TNPO3: variants seen among roughly 807,000 people sequenced by gnomAD.
TNPO3 encodes transportin 3.
Under a neutral mutation model 122.8 loss-of-function variants are expected in TNPO3, and 65 were observed. The ratio of observed to expected loss-of-function variants is 0.53; its 90% CI spans 0.43 to 0.65. The LOEUF is 0.65. TNPO3 is among the 30% of genes least tolerant of loss of function. The pLI, the probability that TNPO3 is intolerant of heterozygous loss-of-function variation, is 0.00. For synonymous variants in TNPO3, 372 were observed against 411.2 expected (o/e 0.90, Z 1.15); for missense variants, 850 against 1,136.7 (o/e 0.75, Z 3.63).
At chr7:129,016,959 A>G (rs1364242303) in intron 3 of TNPO3, 24 bp downstream of exon 3, 3 of 1,609,440 alleles carry the variant, frequency 1.9e-6, no homozygotes, top group Non-Finnish European at 2.5e-6. Flanking sequence ...AAATGCTAAT[A>G]TAGAGTCAAT....
At chr7:128,994,269 T>C (rs1349752912) in intron 8 of TNPO3, among the ~76,000 whole-genome samples, 2 of 151,940 alleles carry the variant, frequency 1.3e-5, no homozygotes, top group Non-Finnish European at 2.9e-5. Context: ...GTGATTCTCC[T>C]GCCTCAGCCT....
chr7:128,975,515 T>C (rs549396569), intron 17 of TNPO3, among the ~76,000 whole-genome samples: 2 of 152,296 alleles, frequency 1.3e-5, no homozygotes, highest in African/African-American at 4.8e-5. Context: ...AATACAATAA[T>C]GCTTGAGCTT....
At chr7:129,002,753 C>A (rs571086054) in intron 5 of TNPO3, among the ~76,000 whole-genome samples, 2 of 151,802 alleles carry the variant, frequency 1.3e-5, no homozygotes, top group Middle Eastern at 3.4e-3. Context: ...CCTGTCTCTA[C>A]TAAAAATACA....
chr7:129,048,163 G>C, intron 1 of TNPO3, among the ~76,000 whole-genome samples: 1 of 152,116 alleles, frequency 6.6e-6, no homozygotes, highest in East Asian at 1.9e-4. Flanking sequence ...AGGTGAGCAA[G>C]GCTGCAGTGA....
At position 128,996,069 on chromosome 7, in the gene TNPO3, G is replaced by A. The variant is rs546978158; in HGVS notation, c.1158+1320C>T. 1.3e-4 allele frequency among the ~76,000 whole-genome samples: 20 copies of A among 152,262 alleles called. No individual in the cohort carries two copies. The East Asian group carries it at 3.9e-3, about 29-fold the overall frequency. On this transcript the variant is annotated intron_variant, in intron 8 of 22. Coordinates refer to ENST00000265388, the MANE Select transcript of TNPO3 (RefSeq NM_012470.4). ...ACCACCAGACTAAATCATGACTAAG[G>A]TTGTGTGGAGATACAAAATACCATG...
Position 129,001,157 on chromosome 7 carries a change from A to G in TNPO3, c.774T>C (p.Asn258=). ...CVCSALYAIE[N]VETNLPLAMQ... The stretch of plus-strand genomic sequence containing the variant: ...TGGCTAATGGCAAGTTAGTCTCCAC[A>G]TTCTCAATGGCATAGAGAGCTGAGC... Residue 258 remains asparagine, a synonymous_variant, in exon 6 of 23, where the codon AAT becomes AAC. Coordinates refer to ENST00000265388, the MANE Select transcript of TNPO3 (RefSeq NM_012470.4). 1 of 1,614,106 alleles carries G rather than the reference A, an allele frequency of 6.2e-7. No homozygotes were observed. Among genetic ancestry groups the G allele is most frequent in the Non-Finnish European group, 8.5e-7 (1 of 1,179,992 alleles).
At chr7:128,989,896 G>C in intron 11 of TNPO3, 65 bp downstream of exon 11, 1 of 1,567,252 alleles carries the variant, frequency 6.4e-7, no homozygotes. Context: ...GCAAAAGTAA[G>C]AGATGAGAAG....
intron 1 of TNPO3, among the ~76,000 whole-genome samples, chr7:129,053,486 C>T (rs185090013): frequency 0.013 from 1,866 of 139,952 alleles, 28 homozygotes; most frequent in African/African-American, 0.048. Flanking sequence ...CAAAGCGAGA[C>T]TCTGTCTCAA....
chr7:129,022,177 G>A (rs531951678), intron 1 of TNPO3, among the ~76,000 whole-genome samples: 1 of 152,188 alleles, frequency 6.6e-6, no homozygotes, highest in South Asian at 2.1e-4. Flanking sequence ...TTGAGGCCAG[G>A]AGTTTGGGAC....
intron 21 of TNPO3, among the ~76,000 whole-genome samples, chr7:128,961,427 C>T (rs2128981045): frequency 6.6e-6 from 1 of 152,242 alleles, no homozygotes; most frequent in Admixed American, 6.5e-5. Context: ...ACTATATAGA[C>T]CAGGTGTCCG....
At chr7:128,991,925 G>T in intron 10 of TNPO3, 74 bp downstream of exon 10, 1 of 1,004,148 alleles carries the variant, frequency 1.0e-6, no homozygotes, top group South Asian at 1.7e-5. Context: ...TACCATATAA[G>T]AAAAAAAAAA....
intron 21 of TNPO3, among the ~76,000 whole-genome samples, 194 bp downstream of exon 21, chr7:128,967,086 C>T (rs1797993580): frequency 6.6e-6 from 1 of 152,170 alleles, no homozygotes; most frequent in Non-Finnish European, 1.5e-5. Context: ...TACCAGTTAT[C>T]ACATATGTTA....
intron 20 of TNPO3, among the ~76,000 whole-genome samples, chr7:128,969,412 T>C (rs1007067529): frequency 6.6e-6 from 1 of 152,194 alleles, no homozygotes; most frequent in Non-Finnish European, 1.5e-5. Flanking sequence ...TATTCTGTGG[T>C]TCTGTAAGAC....
chr7:128,971,929 G>T (rs1012976240), intron 19 of TNPO3, among the ~76,000 whole-genome samples: 1 of 152,142 alleles, frequency 6.6e-6, no homozygotes, highest in African/African-American at 2.4e-5. Flanking sequence ...GCCAAGGTGG[G>T]AGGATCACTT....
chr7:128,995,628 A>G (rs1387841311), intron 8 of TNPO3, among the ~76,000 whole-genome samples: 1 of 152,250 alleles, frequency 6.6e-6, no homozygotes, highest in Non-Finnish European at 1.5e-5. Flanking sequence ...GCACAGAGCC[A>G]TTTAAACCAA....
intron 1 of TNPO3, among the ~76,000 whole-genome samples, chr7:129,023,446 A>T (rs1218613653): frequency 6.6e-6 from 1 of 152,166 alleles, no homozygotes; most frequent in East Asian, 1.9e-4. Flanking sequence ...CCAACTCAGT[A>T]ACAACTTGCA....
chr7:128,965,091 G>A (rs995843922), intron 21 of TNPO3, among the ~76,000 whole-genome samples: 19 of 152,116 alleles, frequency 1.2e-4, no homozygotes, highest in African/African-American at 3.6e-4. Flanking sequence ...TAAACTAGGC[G>A]ACAACAAAAT....
intron 1 of TNPO3, chr7:129,030,237 C>A (rs1336903276): frequency 4.6e-6 from 1 of 217,602 alleles, no homozygotes. Context: ...CATGTGATGG[C>A]CTTGATCAGA....
chr7:129,008,954 C>A (rs1284159423), intron 4 of TNPO3, among the ~76,000 whole-genome samples: 1 of 152,186 alleles, frequency 6.6e-6, no homozygotes, highest in African/African-American at 2.4e-5. Flanking sequence ...AAACTAATCT[C>A]TTTGAAAAGA....
Sources: allele counts gnomAD v4.1 joint callset (sites outside exome capture counted in the v4.1 genomes callset), GRCh38; gene constraint gnomAD v4.1.1; transcripts MANE v1.5; gene names NCBI Gene and HGNC (gene_info 2026-07-23, HGNC 2026-07-21).